Variants in MBOAT2 observed in about 807,000 individuals in gnomAD.
MBOAT2 encodes membrane bound glycerophospholipid O-acyltransferase 2, also known as membrane-bound glycerophospholipid O-acyltransferase 2.
MBOAT2 carries 28 observed loss-of-function variants against 63.4 expected under a neutral mutation model. The ratio of observed to expected loss-of-function variants is 0.44; its 90% CI spans 0.33 to 0.61. The LOEUF is 0.61. Among genes scored for constraint, MBOAT2 ranks in the 20% least tolerant of loss-of-function variants. MBOAT2 has a pLI of 0.03. For synonymous variants in MBOAT2, 211 were observed against 215.6 expected (o/e 0.98, Z 0.19); for missense variants, 470 against 605.8 (o/e 0.78, Z 2.35).
chr2:8,869,410 T>G (rs1422796448), intron 8 of MBOAT2, among the ~76,000 whole-genome samples: 1 of 152,182 alleles, frequency 6.6e-6, no homozygotes, highest in African/African-American at 2.4e-5. Context: ...TTTATGTACA[T>G]GCTTAAGCTG....
At chr2:8,925,435 T>A (rs1335204063) in intron 3 of MBOAT2, among the ~76,000 whole-genome samples, 1 of 152,228 alleles carries the variant, frequency 6.6e-6, no homozygotes, top group Non-Finnish European at 1.5e-5. Flanking sequence ...ACATCCCATA[T>A]TTTGGTTCAT....
At chr2:8,893,071 G>A (rs1175939878) in intron 4 of MBOAT2, among the ~76,000 whole-genome samples, 3 of 135,282 alleles carry the variant, frequency 2.2e-5, no homozygotes, top group African/African-American at 8.1e-5. Flanking sequence ...GGGAGGGGGT[G>A]GGGGAGGAGG....
chr2:8,897,374 C>T (rs1474290748), intron 4 of MBOAT2, among the ~76,000 whole-genome samples: 1 of 151,860 alleles, frequency 6.6e-6, no homozygotes, highest in Non-Finnish European at 1.5e-5. Flanking sequence ...ACTGCCACCT[C>T]CTTGGGTTTC....
chr2:8,928,387 G>C (rs192441477), intron 3 of MBOAT2, among the ~76,000 whole-genome samples: 1 of 152,254 alleles, frequency 6.6e-6, no homozygotes, highest in African/African-American at 2.4e-5. Context: ...GTGACCCCTG[G>C]CACAGAGGCT....
At chr2:8,943,985 T>C (rs190228783) in intron 2 of MBOAT2, among the ~76,000 whole-genome samples, 1 of 152,106 alleles carries the variant, frequency 6.6e-6, no homozygotes, top group South Asian at 2.1e-4. Flanking sequence ...TGCCTCAGCC[T>C]CCCGAGTAGC....
chr2:8,852,836 G>A lies in MBOAT2; in HGVS notation c.*5843C>T, dbSNP rs922197643. ...CAGCTCTGACAGACTAGAAATGAGT[G>A]GTTATGAAATGAGCACATCTCAGTT... On this transcript the variant is annotated 3_prime_UTR_variant, in exon 13 of 13. Transcript: ENST00000305997. The A allele has an allele frequency of 4.6e-5, 7 of 152,142 alleles. No individual in the cohort carries two copies. The highest frequency in any genetic ancestry group is 1.7e-4 in the African/African-American group (7 of 41,418). 9.4% of individuals were successfully genotyped at this position (152,142 alleles called of 1,614,324 possible).
chr2:8,954,786 C>G (rs924948527), intron 2 of MBOAT2, among the ~76,000 whole-genome samples: 6 of 152,088 alleles, frequency 3.9e-5, no homozygotes, highest in Non-Finnish European at 8.8e-5. Flanking sequence ...TCACCATGAT[C>G]TGTGTCCAGG....
intron 1 of MBOAT2, among the ~76,000 whole-genome samples, chr2:8,977,405 C>T (rs1003460097): frequency 6.6e-6 from 1 of 152,026 alleles, no homozygotes; most frequent in African/African-American, 2.4e-5. Flanking sequence ...GTATTTCTTC[C>T]CCATTCATCC....
chr2:8,993,980 G>A (rs779836979), intron 1 of MBOAT2, among the ~76,000 whole-genome samples: 9 of 152,186 alleles, frequency 5.9e-5, no homozygotes, highest in Non-Finnish European at 1.0e-4. Context: ...CCACAACTCC[G>A]TAGGGAGACA....
At chr2:8,990,336 A>G (rs180726696) in intron 1 of MBOAT2, among the ~76,000 whole-genome samples, 126 of 152,342 alleles carry the variant, frequency 8.3e-4, no homozygotes, top group African/African-American at 2.9e-3. Context: ...AAAGTAGTTT[A>G]ATATTTTTAT....
At chr2:8,978,631 G>C (rs896138830) in intron 1 of MBOAT2, among the ~76,000 whole-genome samples, 1 of 152,018 alleles carries the variant, frequency 6.6e-6, no homozygotes, top group African/African-American at 2.4e-5. Context: ...CATAGACACA[G>C]GGAGGGGAAA....
intron 1 of MBOAT2, chr2:8,974,301 AGGGATTACT>A (rs1670664206): frequency 2.2e-6 from 1 of 450,972 alleles, no homozygotes; most frequent in Admixed American, 2.4e-5. Context: ...AAATATGGCT[AGGGATTACT>A]GGGAAAGTCT....
intron 1 of MBOAT2, among the ~76,000 whole-genome samples, chr2:8,962,749 A>C (rs1245118117): frequency 2.0e-5 from 3 of 151,874 alleles, no homozygotes; most frequent in Non-Finnish European, 1.5e-5. Context: ...ATTTAATATA[A>C]ATTTTATATA....
chr2:8,993,332 G>A (rs557869621), intron 1 of MBOAT2, among the ~76,000 whole-genome samples: 1 of 152,318 alleles, frequency 6.6e-6, no homozygotes, highest in Admixed American at 6.5e-5. Flanking sequence ...GAGACCTGCT[G>A]CGCGGTCCTT....
At position 8,877,230 on chromosome 2, in the gene MBOAT2, T is replaced by C. The variant is rs779791388; in HGVS notation, c.507-17A>G. 2 of 1,604,296 alleles carry C rather than the reference T, an allele frequency of 1.2e-6. No homozygotes were observed. The highest frequency in any genetic ancestry group is 2.2e-5 in the East Asian group (1 of 44,818). Reference sequence around the variant, plus strand: ...GGCATGCGCCTGCAATGAAAAGACATGCAACCAGTGAGATGCAGCATAAGC... The same window carrying C: ...GGCATGCGCCTGCAATGAAAAGACACGCAACCAGTGAGATGCAGCATAAGC... On this transcript the variant is annotated splice_polypyrimidine_tract_variant and intron_variant, in intron 6 of 12. Transcript: ENST00000305997.
At position 8,970,931 on chromosome 2, in the gene MBOAT2, G is replaced by A. The variant is rs1039965931; in HGVS notation, c.76-12289C>T. 1.8e-4 allele frequency among the ~76,000 whole-genome samples: 27 copies of A among 152,106 alleles called. No homozygotes were observed. The South Asian group carries it at 2.3e-3, about 13-fold the overall frequency. On this transcript the variant is annotated intron_variant, in intron 1 of 12. Transcript: ENST00000305997. ...GACACATTCACAGCCAATTTCTACC[G>A]GAGGTACAAGGAGGAACTGGTACCA...
At chr2:8,957,233 A>C (rs1317582181) in intron 2 of MBOAT2, among the ~76,000 whole-genome samples, 1 of 152,210 alleles carries the variant, frequency 6.6e-6, no homozygotes, top group East Asian at 1.9e-4. Context: ...CCATAATCAA[A>C]AGTTTGAAAA....
chr2:8,867,391 G>A (rs1661976920), intron 9 of MBOAT2, among the ~76,000 whole-genome samples: 1 of 152,104 alleles, frequency 6.6e-6, no homozygotes, highest in Non-Finnish European at 1.5e-5. Context: ...CTCTTTTAGA[G>A]ACTCTCACCT....
chr2:8,981,986 T>G (rs1439696867), intron 1 of MBOAT2, among the ~76,000 whole-genome samples: 2 of 152,028 alleles, frequency 1.3e-5, no homozygotes, highest in Non-Finnish European at 2.9e-5. Context: ...CAAATATGAG[T>G]AGTGGGCTTA....
Sources: allele counts gnomAD v4.1 joint callset (sites outside exome capture counted in the v4.1 genomes callset), GRCh38; gene constraint gnomAD v4.1.1; transcripts MANE v1.5; gene names NCBI Gene and HGNC (gene_info 2026-07-23, HGNC 2026-07-21).